The following ABHD2 variants were observed in gnomAD, a reference collection of about 807,000 sequenced individuals.
ABHD2 encodes the protein abhydrolase domain containing 2, acylglycerol lipase.
In ABHD2, 20 loss-of-function variants were observed where a neutral mutation model predicts 48.1. The observed-to-expected ratio is 0.42, with a 90% CI of 0.29 to 0.60. The LOEUF (loss-of-function observed/expected upper bound fraction) is 0.60, where lower values mean the gene tolerates loss of function less well. Among genes scored for constraint, ABHD2 ranks in the 20% least tolerant of loss-of-function variants. The pLI, the probability that ABHD2 is intolerant of heterozygous loss-of-function variation, is 0.24. For missense variants in ABHD2, 405 were observed against 550.9 expected (o/e 0.74, Z 2.65); for synonymous variants, 209 against 214.2 (o/e 0.98, Z 0.21).
At chr15:89,169,235 A>G (rs1256199276) in intron 5 of ABHD2, among the ~76,000 whole-genome samples, 2 of 152,344 alleles carry the variant, frequency 1.3e-5, no homozygotes, top group East Asian at 3.9e-4. Context: ...TGGGGTTGAC[A>G]TGGTCCAAAG....
chr15:89,138,343 G>C (rs2050348333), intron 3 of ABHD2, among the ~76,000 whole-genome samples: 1 of 152,080 alleles, frequency 6.6e-6, no homozygotes, highest in Admixed American at 6.5e-5. Flanking sequence ...TGTCCTCCTG[G>C]GTTTATTCTC....
chr15:89,105,860 C>CT lies in ABHD2; in HGVS notation c.-106-7853dup, dbSNP rs908168370. On this transcript the variant is annotated intron_variant, in intron 1 of 10. Coordinates refer to ENST00000352732, the MANE Select transcript of ABHD2 (RefSeq NM_152924.5). ...GGTGGTGGTGGTGGTGAGAGGAGGTCTTTTTTTTTTTTCTTTTAAACAATA... is the reference window on the plus strand; with the variant it reads ...GGTGGTGGTGGTGGTGAGAGGAGGTCTTTTTTTTTTTTTCTTTTAAACAATA... Among the ~76,000 whole-genome samples, 1,178 of 146,094 alleles carry CT rather than the reference C, an allele frequency of 8.1e-3. 9 individuals carry two copies. Among genetic ancestry groups the CT allele is most frequent in the African/African-American group, 0.027 (1,068 of 40,086 alleles).
At chr15:89,105,836 G>C (rs1231927332) in intron 1 of ABHD2, among the ~76,000 whole-genome samples, 1 of 152,074 alleles carries the variant, frequency 6.6e-6, no homozygotes, top group African/African-American at 2.4e-5. Context: ...CTGGCTTGAG[G>C]TGGTGGTGGT....
At chr15:89,149,241 A>T (rs541674951) in intron 3 of ABHD2, among the ~76,000 whole-genome samples, 3 of 146,112 alleles carry the variant, frequency 2.1e-5, no homozygotes, top group South Asian at 2.2e-4. Flanking sequence ...ACACACACAC[A>T]CTCACACTGA....
Position 89,135,813 on chromosome 15 carries a change from G to A in ABHD2, c.195-15864G>A, listed in dbSNP as rs1442678139. On this transcript the variant is annotated intron_variant, in intron 3 of 10. Coordinates refer to ENST00000352732, the MANE Select transcript of ABHD2 (RefSeq NM_152924.5). ...TTCTTTGCAACATCATTAGTGGACA[G>A]GCCAGATGTTCTCCTTTGATATTTG... The A allele has an allele frequency of 2.2e-5, 17 of 775,342 alleles. No homozygotes were observed. In the East Asian group the frequency reaches 3.2e-4, roughly 14 times the overall value. The allele number at this position is 775,342 out of a possible 1,614,324, so 48.0% of individuals were successfully genotyped here.
rs1288545892 is a variant in ABHD2, at chr15:89,177,859, C to CT, written c.722+1872dup. Among the ~76,000 whole-genome samples the CT allele has an allele frequency of 6.6e-6, 1 of 151,990 alleles. No individual in the cohort carries two copies. Among genetic ancestry groups the CT allele is most frequent in the Non-Finnish European group, 1.5e-5 (1 of 67,976 alleles). On this transcript the variant is annotated intron_variant, in intron 6 of 10. Coordinates refer to ENST00000352732, the MANE Select transcript of ABHD2 (RefSeq NM_152924.5). The surrounding 1 kb of genome is among the most constrained non-coding windows in gnomAD (Gnocchi z 5.6). ...AGAACTAGGACGTTTGTTTTGTTTT[C>CT]TTTTTTTTCAATGCACAAAATCTTA...
intron 6 of ABHD2, among the ~76,000 whole-genome samples, chr15:89,181,365 G>T (rs2051111888): frequency 6.6e-6 from 1 of 151,944 alleles, no homozygotes; most frequent in South Asian, 2.1e-4. Flanking sequence ...ATACTTCTTA[G>T]GTCGGTGTGA....
At chr15:89,124,874 A>AG (rs2050107219) in intron 3 of ABHD2, among the ~76,000 whole-genome samples, 1 of 152,216 alleles carries the variant, frequency 6.6e-6, no homozygotes, top group Non-Finnish European at 1.5e-5. Context: ...GGATCACCTG[A>AG]GGTCAGGAGT....
the ABHD2 span, among the ~76,000 whole-genome samples, chr15:89,059,241 G>T: frequency 6.6e-6 from 1 of 152,132 alleles, no homozygotes; most frequent in Non-Finnish European, 1.5e-5. Flanking sequence ...CCAGGAAGAG[G>T]GGTACATCTG....
chr15:89,161,920 G>A (rs148637843), intron 5 of ABHD2, among the ~76,000 whole-genome samples: 1 of 152,152 alleles, frequency 6.6e-6, no homozygotes, highest in Admixed American at 6.5e-5. Flanking sequence ...CAGCAGGGTT[G>A]GTTTCTTCTG....
chr15:89,065,904 A>G, the ABHD2 span, among the ~76,000 whole-genome samples: 1 of 152,188 alleles, frequency 6.6e-6, no homozygotes, highest in South Asian at 2.1e-4. Context: ...TCTACCATTT[A>G]CATAATACCT....
intron 3 of ABHD2, among the ~76,000 whole-genome samples, chr15:89,130,655 C>A (rs1252799707): frequency 4.6e-5 from 7 of 152,182 alleles, no homozygotes; most frequent in Non-Finnish European, 1.0e-4. Flanking sequence ...AGAGCTTGTC[C>A]AGCCCATAGC....
At chr15:89,062,967 CTTTTT>C in the ABHD2 span, among the ~76,000 whole-genome samples, 2 of 129,404 alleles carry the variant, frequency 1.5e-5, no homozygotes, top group African/African-American at 2.9e-5. Context: ...ATTGCTGCTG[CTTTTT>C]TTTTTTTTTT....
Position 89,201,397 on chromosome 15 carries a change from G to A in ABHD2, c.*5974G>A. 1 of 1,204,548 alleles carries A rather than the reference G, an allele frequency of 8.3e-7. No homozygotes were observed. The highest frequency in any genetic ancestry group is 1.2e-6 in the Non-Finnish European group (1 of 818,574). 74.6% of individuals were successfully genotyped at this position (1,204,548 alleles called of 1,614,324 possible). On this transcript the variant is annotated 3_prime_UTR_variant, in exon 11 of 11. Coordinates refer to ENST00000352732, the MANE Select transcript of ABHD2 (RefSeq NM_152924.5). Reference sequence around the variant, plus strand: ...GTGGGACAGCTTTGCTGGGTTCCATGTCATTCAATTTATCATTTTCATTGG... The same window carrying A: ...GTGGGACAGCTTTGCTGGGTTCCATATCATTCAATTTATCATTTTCATTGG...
At position 89,198,878 on chromosome 15, in the gene ABHD2, G is replaced by T. The variant is rs1324578422; in HGVS notation, c.*3455G>T. On this transcript the variant is annotated 3_prime_UTR_variant, in exon 11 of 11. Transcript: ENST00000352732. This position sits in a 1 kb window ranked among gnomAD's most constrained non-coding sequence, Gnocchi z 5.1. ...GTGAAGACCCTTGATCTTGTCCAAA[G>T]CCCTGTGTCTTTGACTGGCTTCTCT... 1 of 152,206 alleles carries T rather than the reference G, an allele frequency of 6.6e-6. No individual in the cohort carries two copies. The highest frequency in any genetic ancestry group is 1.5e-5 in the Non-Finnish European group (1 of 68,084). 9.4% of individuals were successfully genotyped at this position (152,206 alleles called of 1,614,324 possible). A position where few individuals can be genotyped will look rare whatever the true frequency, so the allele number is the denominator to read the frequency against.
intron 5 of ABHD2, among the ~76,000 whole-genome samples, chr15:89,160,456 A>G (rs1402029771): frequency 1.3e-5 from 2 of 149,322 alleles, no homozygotes; most frequent in South Asian, 4.2e-4. Flanking sequence ...ACCCTGACTC[A>G]TGGCTATTTC....
chr15:89,079,722 T>G, the ABHD2 span, among the ~76,000 whole-genome samples: 1 of 152,254 alleles, frequency 6.6e-6, no homozygotes, highest in South Asian at 2.1e-4. This position sits in a 1 kb window ranked among gnomAD's most constrained non-coding sequence, Gnocchi z 4.3. Flanking sequence ...GAAAATGTAC[T>G]AAGTCTCAGT....
Position 89,182,796 on chromosome 15 carries a change from A to C in ABHD2, c.723-2628A>C, listed in dbSNP as rs1407476481. Among the ~76,000 whole-genome samples, 1 of 152,138 alleles carries C rather than the reference A, an allele frequency of 6.6e-6. No homozygotes were observed. Among genetic ancestry groups the C allele is most frequent in the Non-Finnish European group, 1.5e-5 (1 of 68,020 alleles). ...CAACAGAGTGAGACTCCATCTCAAGAAACAAAAACAAAAAAAGAACTTGGA... is the reference window on the plus strand; with the variant it reads ...CAACAGAGTGAGACTCCATCTCAAGCAACAAAAACAAAAAAAGAACTTGGA... On this transcript the variant is annotated intron_variant, in intron 6 of 10. Coordinates refer to ENST00000352732, the MANE Select transcript of ABHD2 (RefSeq NM_152924.5). The surrounding 1 kb of genome is among the most constrained non-coding windows in gnomAD (Gnocchi z 4.8).
Position 89,199,590 on chromosome 15 carries a change from C to T in ABHD2, c.*4167C>T, listed in dbSNP as rs2051446032. On this transcript the variant is annotated 3_prime_UTR_variant, in exon 11 of 11. Transcript: ENST00000352732. The surrounding 1 kb of genome is among the most constrained non-coding windows in gnomAD (Gnocchi z 4.1). ...TAGGCTCCTTGTTATCTTATGCCCC[C>T]ACCCCTCCCTCAACAATATGAGTGA... 1 of 152,492 alleles carries T rather than the reference C, an allele frequency of 6.6e-6. No homozygotes were observed. The highest frequency in any genetic ancestry group is 2.1e-4 in the South Asian group (1 of 4,816). The allele number at this position is 152,492 out of a possible 1,614,324, so 9.4% of individuals were successfully genotyped here.
Sources: allele counts gnomAD v4.1 joint callset (sites outside exome capture counted in the v4.1 genomes callset), GRCh38; gene constraint gnomAD v4.1.1; non-coding constraint Gnocchi (gnomAD v3.1); transcripts MANE v1.5; gene names NCBI Gene and HGNC (gene_info 2026-07-23, HGNC 2026-07-21).